CTIF: variants seen among roughly 807,000 people sequenced by gnomAD.
The protein encoded by CTIF is CBP80/20-dependent translation initiation factor.
A neutral mutation model predicts 66.0 loss-of-function variants in CTIF; 21 were observed. The ratio of observed to expected loss-of-function variants is 0.32; its 90% CI spans 0.23 to 0.46. The LOEUF (loss-of-function observed/expected upper bound fraction) is 0.46. CTIF is among the 20% of genes least tolerant of loss of function. The probability of loss-of-function intolerance (pLI) is 1.00; values close to 1 mark genes in which losing one functional copy is unlikely to be tolerated. For missense variants in CTIF, 739 were observed against 812.7 expected (o/e 0.91, Z 1.10); for synonymous variants, 345 against 326.4 (o/e 1.06, Z -0.62).
chr18:48,658,051 C>A (rs907080572), intron 3 of CTIF, among the ~76,000 whole-genome samples: 13 of 152,162 alleles, frequency 8.5e-5, no homozygotes, highest in Admixed American at 8.5e-4. Flanking sequence ...CCTGCAGGCA[C>A]CTGCCTTCCT....
chr18:48,810,377 T>C (rs1277196237), intron 9 of CTIF, among the ~76,000 whole-genome samples: 1 of 152,132 alleles, frequency 6.6e-6, no homozygotes, highest in Admixed American at 6.5e-5. Flanking sequence ...TCCCACAAGT[T>C]TTTATAGTTA....
At chr18:48,545,595 C>G (rs1216450909) in intron 1 of CTIF, among the ~76,000 whole-genome samples, 2 of 151,226 alleles carry the variant, frequency 1.3e-5, no homozygotes, top group East Asian at 1.9e-4. Flanking sequence ...AACTCAGGTG[C>G]GAACTTCTGG....
chr18:48,683,626 C>T (rs984163170), intron 6 of CTIF, among the ~76,000 whole-genome samples: 5 of 152,048 alleles, frequency 3.3e-5, no homozygotes, highest in African/African-American at 1.2e-4. Flanking sequence ...GGCACCCCAC[C>T]CCCAAAGGGT....
chr18:48,728,227 C>T (rs567272484), intron 7 of CTIF, among the ~76,000 whole-genome samples: 1 of 152,186 alleles, frequency 6.6e-6, no homozygotes, highest in Non-Finnish European at 1.5e-5. Flanking sequence ...TCCTCAAAGT[C>T]CATATTTCTA....
chr18:48,823,784 C>T (rs994024513), intron 10 of CTIF, among the ~76,000 whole-genome samples: 11 of 152,062 alleles, frequency 7.2e-5, no homozygotes, highest in Non-Finnish European at 1.6e-4. Context: ...AATATTAAAT[C>T]TTCCAATCAA....
chr18:48,764,258 G>A (rs1324235092), intron 9 of CTIF, among the ~76,000 whole-genome samples: 1 of 152,220 alleles, frequency 6.6e-6, no homozygotes, highest in Admixed American at 6.5e-5. Context: ...AGTATTTCTA[G>A]TGTGCCAGGC....
intron 9 of CTIF, among the ~76,000 whole-genome samples, chr18:48,783,729 G>T (rs1241060111): frequency 1.3e-5 from 2 of 152,114 alleles, no homozygotes; most frequent in African/African-American, 4.8e-5. Flanking sequence ...CCACGTGGCT[G>T]GGAATTCAGT....
Position 48,664,905 on chromosome 18 carries a change from C to CTTTTTT in CTIF, c.431+357_431+358insTTTTTT, listed in dbSNP as rs1321412907. 3.2e-5 allele frequency among the ~76,000 whole-genome samples: 2 copies of CTTTTTT among 62,686 alleles called. 1 individual carries two copies. The highest frequency in any genetic ancestry group is 6.5e-5 in the Non-Finnish European group (2 of 30,790). 41.1% of individuals were successfully genotyped at this position (62,686 alleles called of 152,430 possible). A position where few individuals can be genotyped will look rare whatever the true frequency, so the allele number is the denominator to read the frequency against. ...AGGTGTGGACTGAGGCTGTGTGTTT[C>CTTTTTT]TTTCTTTTTTTTTTTTTTTTGAGAC... On this transcript the variant is annotated intron_variant, in intron 5 of 11. Transcript: ENST00000256413.
rs139185326 is a variant in CTIF, at chr18:48,551,972, T to C, written c.-29+12660T>C. ...GCCACCACGCCCAGCTAATTATTTTTTTTGTATTTTTAGTAGAGACGGGGT... is the reference window on the plus strand; with the variant it reads ...GCCACCACGCCCAGCTAATTATTTTCTTTGTATTTTTAGTAGAGACGGGGT... On this transcript the variant is annotated intron_variant, in intron 1 of 11. Coordinates refer to ENST00000256413, the MANE Select transcript of CTIF (RefSeq NM_014772.3). 2.4e-4 allele frequency among the ~76,000 whole-genome samples: 37 copies of C among 152,218 alleles called. No individual in the cohort carries two copies. The East Asian group carries it at 6.9e-3, about 29-fold the overall frequency.
intron 2 of CTIF, among the ~76,000 whole-genome samples, chr18:48,635,618 C>T (rs4939785): frequency 0.59 from 89,397 of 151,964 alleles, 29,915 homozygotes; most frequent in East Asian, 0.94. Flanking sequence ...AGCTGCCTGG[C>T]CCTCCTCTGC....
In CTIF at chr18:48,618,899, G is replaced by A. The variant is rs140129942; in HGVS notation, c.-28-639G>A. ...ATAGACAATGCAGCAAGCCTTTCTC[G>A]TTCTGCCAGTGAAATCCAGTCACGT... On this transcript the variant is annotated intron_variant, in intron 1 of 11. Coordinates refer to ENST00000256413, the MANE Select transcript of CTIF (RefSeq NM_014772.3). Among the ~76,000 whole-genome samples the A allele has an allele frequency of 7.9e-5, 12 of 152,322 alleles. No homozygotes were observed. The South Asian group carries it at 1.0e-3, about 13-fold the overall frequency.
At chr18:48,601,352 G>A (rs2090086973) in intron 1 of CTIF, among the ~76,000 whole-genome samples, 1 of 152,200 alleles carries the variant, frequency 6.6e-6, no homozygotes, top group South Asian at 2.1e-4. Flanking sequence ...GCAGCCTTCT[G>A]ATCTCTATAT....
Position 48,679,958 on chromosome 18 carries a change from G to T in CTIF, c.507+9214G>T, listed in dbSNP as rs563536538. 3.3e-4 allele frequency among the ~76,000 whole-genome samples: 50 copies of T among 152,282 alleles called. 2 individuals are homozygous for T. Among genetic ancestry groups the T allele is most frequent in the African/African-American group, 1.2e-3 (48 of 41,546 alleles). ...TGGGGGAGTCCAGGAGTCCTCGAGA[G>T]GGGAGACTGTATGTAGGGAGAGCAG... On this transcript the variant is annotated intron_variant, in intron 6 of 11. Transcript: ENST00000256413.
chr18:48,702,185 A>T (rs146577049), intron 6 of CTIF, among the ~76,000 whole-genome samples: 7 of 152,352 alleles, frequency 4.6e-5, no homozygotes, highest in Non-Finnish European at 8.8e-5. Flanking sequence ...AGGACTCTTT[A>T]GACTGTTACA....
chr18:48,687,365 C>A (rs986455325), intron 6 of CTIF, among the ~76,000 whole-genome samples: 2 of 146,272 alleles, frequency 1.4e-5, no homozygotes, highest in Admixed American at 6.8e-5. Flanking sequence ...GCTTACCAAC[C>A]AGGAGATGGG....
intron 2 of CTIF, among the ~76,000 whole-genome samples, chr18:48,620,615 G>A (rs2090476129): frequency 6.6e-6 from 1 of 152,194 alleles, no homozygotes; most frequent in Non-Finnish European, 1.5e-5. Context: ...AAGACAGTAA[G>A]AAGTACAAAA....
At chr18:48,851,087 A>T (rs1445015484) in intron 10 of CTIF, among the ~76,000 whole-genome samples, 2 of 152,198 alleles carry the variant, frequency 1.3e-5, no homozygotes, top group African/African-American at 2.4e-5. Context: ...TAAGGTTGGA[A>T]GGGGGGGCTC....
chr18:48,793,852 C>G (rs1373959123), intron 9 of CTIF, among the ~76,000 whole-genome samples: 2 of 152,196 alleles, frequency 1.3e-5, no homozygotes, highest in African/African-American at 4.8e-5. Context: ...GGGGAAAAGC[C>G]TGATTTCCAG....
At chr18:48,837,820 C>T (rs1286116285) in intron 10 of CTIF, among the ~76,000 whole-genome samples, 1 of 152,126 alleles carries the variant, frequency 6.6e-6, no homozygotes, top group East Asian at 1.9e-4. Flanking sequence ...CTCCCTGCTC[C>T]CAGATGCCCT....
Sources: allele counts gnomAD v4.1 joint callset (sites outside exome capture counted in the v4.1 genomes callset), GRCh38; gene constraint gnomAD v4.1.1; transcripts MANE v1.5; gene names NCBI Gene and HGNC (gene_info 2026-07-23, HGNC 2026-07-21).